PSME4: variants seen among roughly 807,000 people sequenced by gnomAD.
PSME4 encodes the protein proteasome activator complex subunit 4.
PSME4 carries 89 observed loss-of-function variants against 253.9 expected under a neutral mutation model. The observed-to-expected ratio is 0.35, with a 90% CI of 0.30 to 0.42. The LOEUF is 0.42. Among genes scored for constraint, PSME4 ranks in the 10% least tolerant of loss-of-function variants. The pLI, the probability that PSME4 is intolerant of heterozygous loss-of-function variation, is 1.00. For missense variants in PSME4, 2,014 were observed against 2,195.2 expected (o/e 0.92, Z 1.65); for synonymous variants, 851 against 759.2 (o/e 1.12, Z -1.99).
intron 1 of PSME4, among the ~76,000 whole-genome samples, chr2:53,950,718 G>A (rs970223297): frequency 6.6e-6 from 1 of 151,906 alleles, no homozygotes; most frequent in African/African-American, 2.4e-5. Flanking sequence ...GCACATGCCT[G>A]TAATCCCAGC....
At chr2:53,905,123 A>C (rs1049772261) in intron 26 of PSME4, among the ~76,000 whole-genome samples, 1 of 149,510 alleles carries the variant, frequency 6.7e-6, no homozygotes, top group Non-Finnish European at 1.5e-5. Flanking sequence ...TCCGCCTCCC[A>C]GGGTTCAAGC....
intron 10 of PSME4, among the ~76,000 whole-genome samples, chr2:53,930,046 A>T (rs1668752587): frequency 6.6e-6 from 1 of 151,708 alleles, no homozygotes; most frequent in South Asian, 2.1e-4. Context: ...ATAAATAAAT[A>T]AATAAATAAT....
intron 3 of PSME4, among the ~76,000 whole-genome samples, chr2:53,940,522 G>A (rs1304412030): frequency 1.3e-5 from 2 of 151,998 alleles, no homozygotes; most frequent in African/African-American, 4.8e-5. Flanking sequence ...TACTTATAAA[G>A]TTAGTCGAGT....
chr2:53,921,618 C>A (rs1668321742), intron 17 of PSME4, among the ~76,000 whole-genome samples: 1 of 146,602 alleles, frequency 6.8e-6, no homozygotes, highest in African/African-American at 2.5e-5. Flanking sequence ...CCTGTAATCC[C>A]AGCACTTTGG....
chr2:53,895,785 C>T, intron 32 of PSME4, 49 bp from the exon 33 acceptor site: 1 of 1,468,770 alleles, frequency 6.8e-7, no homozygotes, highest in African/African-American at 1.4e-5. Context: ...ATTCGCCCAA[C>T]AATTATTACC....
chr2:53,930,930 A>G (rs2104459168), intron 10 of PSME4, among the ~76,000 whole-genome samples: 1 of 152,328 alleles, frequency 6.6e-6, no homozygotes, highest in East Asian at 1.9e-4. Context: ...TCAGAGGTAC[A>G]ACAGAAAGCT....
intron 33 of PSME4, 130 bp from the exon 34 acceptor site, chr2:53,895,206 G>A (rs1330708185): frequency 4.2e-6 from 3 of 722,542 alleles, no homozygotes; most frequent in South Asian, 1.9e-5. Context: ...GAGTACAGCA[G>A]TAACAGTCTA....
Position 53,970,666 on chromosome 2 carries a change from T to C in PSME4, c.119A>G (p.Tyr40Cys), listed in dbSNP as rs761907049. 1 of 1,550,178 alleles carries C rather than the reference T, an allele frequency of 6.5e-7. No individual in the cohort carries two copies. Among genetic ancestry groups the C allele is most frequent in the Non-Finnish European group, 8.7e-7 (1 of 1,146,874 alleles). The stretch of plus-strand genomic sequence containing the variant: ...GGACTCGGCGTCTAGCCGCTCCGCG[T>C]AGGGCAGCAGCTTGTTGTAGACGAT... Reference protein sequence around the residue: ...KEIVYNKLLPYAERLDAESDL... With the variant: ...KEIVYNKLLPCAERLDAESDL... Residue 40 changes from tyrosine (Y) to cysteine (C), a missense_variant, in exon 1 of 47, where the codon TAC becomes TGC. Coordinates refer to ENST00000404125, the MANE Select transcript of PSME4 (RefSeq NM_014614.3).
chr2:53,964,980 T>A (rs560542414), intron 1 of PSME4, among the ~76,000 whole-genome samples: 15 of 152,296 alleles, frequency 9.8e-5, no homozygotes, highest in African/African-American at 3.4e-4. Flanking sequence ...TATAGTCACT[T>A]AATCATAAAA....
In PSME4 at chr2:53,888,762, T is replaced by C; in HGVS notation, c.4347A>G (p.Glu1449=). The C allele has an allele frequency of 6.2e-7, 1 of 1,613,258 alleles. No homozygotes were observed. Among genetic ancestry groups the C allele is most frequent in the Non-Finnish European group, 8.5e-7 (1 of 1,179,342 alleles). The part of the protein sequence containing the change: ...KLHWLFELLL[E]SPLSGEGGSF... ...ATCCTCCTTCACCACTCAATGGTGA[T>C]TCCAACAGCAGTTCAAAAAGCCAGT... The change falls in exon 38 of 47, where the codon GAA becomes GAG. Residue 1449 remains glutamate (E), a synonymous_variant. Transcript: ENST00000404125.
intron 41 of PSME4, among the ~76,000 whole-genome samples, chr2:53,878,237 C>T (rs1013342661): frequency 1.3e-5 from 2 of 152,218 alleles, no homozygotes; most frequent in African/African-American, 2.4e-5. Context: ...AATCTCTGAA[C>T]ATAAATTGTG....
intron 1 of PSME4, among the ~76,000 whole-genome samples, chr2:53,956,109 C>T (rs761980331): frequency 6.6e-5 from 10 of 152,230 alleles, no homozygotes; most frequent in Non-Finnish European, 1.5e-4. Flanking sequence ...ATAGCAAAAC[C>T]ACATCTCTAC....
chr2:53,866,210 T>G lies in PSME4; in HGVS notation c.5411A>C (p.Lys1804Thr). 1 of 1,614,032 alleles carries G rather than the reference T, an allele frequency of 6.2e-7. No homozygotes were observed. The change falls in exon 46 of 47, where the codon AAA becomes ACA. Residue 1804 changes from lysine to threonine, a missense_variant. Transcript: ENST00000404125. The part of the protein sequence containing the change: ...DPQPIEMTVK[K>T]TLSNFRRTHH... ...AGTCCTTCGGAAATTGGATAAGGTT[T>G]TTTTTACAGTCATCTGTAAAGTAGA...
intron 12 of PSME4, among the ~76,000 whole-genome samples, chr2:53,926,372 C>T (rs1198572838): frequency 6.6e-6 from 1 of 151,604 alleles, no homozygotes; most frequent in African/African-American, 2.4e-5. Context: ...ATAACATGCT[C>T]GCGACTGGGC....
At position 53,970,602 on chromosome 2, in the gene PSME4, C is replaced by G; in HGVS notation, c.183G>C (p.Arg61=). 6.5e-7 allele frequency: 1 copy of G among 1,549,718 alleles called. No individual in the cohort carries two copies. The highest frequency in any genetic ancestry group is 8.7e-7 in the Non-Finnish European group (1 of 1,146,966). ...QLAQIKCNLG[R]AVQLQELWPG... is the part of the protein sequence containing the mutation. ...GCCACAGCTCTTGGAGCTGCACGGC[C>G]CGGCCCAGGTTGCATTTGATCTGGG... The change falls in exon 1 of 47, where the codon CGG becomes CGC. Residue 61 remains arginine (R), a synonymous_variant. Coordinates refer to ENST00000404125, the MANE Select transcript of PSME4 (RefSeq NM_014614.3).
At position 53,970,866 on chromosome 2, in the gene PSME4, G is replaced by A; in HGVS notation, c.-82C>T. ...CCTCTCCGGGCTCCGCCTCCTCCGC[G>A]TCTTCGTCGCCCTGCGGCCGCTGGC... On this transcript the variant is annotated 5_prime_UTR_variant, in exon 1 of 47. It adds an upstream start codon to the 5' untranslated region. Transcript: ENST00000404125. 2 of 1,202,254 alleles carry A rather than the reference G, an allele frequency of 1.7e-6. No individual in the cohort carries two copies. Among genetic ancestry groups the A allele is most frequent in the Non-Finnish European group, 2.2e-6 (2 of 922,390 alleles). 74.5% of individuals were successfully genotyped at this position (1,202,254 alleles called of 1,614,324 possible). A position where few individuals can be genotyped will look rare whatever the true frequency, so the allele number is the denominator to read the frequency against.
At chr2:53,885,384 G>A (rs2104421758) in intron 41 of PSME4, among the ~76,000 whole-genome samples, 1 of 152,240 alleles carries the variant, frequency 6.6e-6, no homozygotes, top group South Asian at 2.1e-4. Flanking sequence ...AAATTTCTTT[G>A]TAGCTTTTCT....
intron 34 of PSME4, among the ~76,000 whole-genome samples, chr2:53,894,785 T>C (rs961835818): frequency 1.3e-5 from 2 of 152,014 alleles, no homozygotes; most frequent in African/African-American, 2.4e-5. Context: ...CTGAATGGGG[T>C]AGTAACTCAG....
chr2:53,880,255 A>C (rs1416363063), intron 41 of PSME4, among the ~76,000 whole-genome samples: 2 of 152,148 alleles, frequency 1.3e-5, no homozygotes, highest in East Asian at 3.8e-4. Flanking sequence ...CAGGAGTTTG[A>C]GAGCAGCCTG....
Sources: gnomAD v4.1 joint callset for allele counts (sites outside exome capture counted in the v4.1 genomes callset) on GRCh38, gnomAD v4.1.1 for gene constraint, MANE v1.5 for transcripts, NCBI Gene and HGNC (gene_info 2026-07-23, HGNC 2026-07-21) for gene names.